EPM2A: variants seen among roughly 807,000 people sequenced by gnomAD.
The protein encoded by EPM2A is laforin.
Under a neutral mutation model 26.5 loss-of-function variants are expected in EPM2A, and 21 were observed. The ratio of observed to expected loss-of-function variants is 0.79; its 90% CI spans 0.56 to 1.14. The LOEUF is 1.14. Ranked by LOEUF, EPM2A falls within the 50% of genes most tolerant of loss-of-function variation. The pLI is 0.00. For missense variants in EPM2A, 458 were observed against 440.8 expected (o/e 1.04, Z -0.35); for synonymous variants, 217 against 177.6 (o/e 1.22, Z -1.76).
chr6:145,561,984 T>C (rs559181495), intron 2 of EPM2A, among the ~76,000 whole-genome samples: 5 of 152,004 alleles, frequency 3.3e-5, no homozygotes, highest in Non-Finnish European at 7.4e-5. Flanking sequence ...GGTTGATAGG[T>C]GCAAACCACC....
intron 3 of EPM2A, chr6:145,628,227 C>T (rs1368128483): frequency 6.3e-6 from 1 of 158,592 alleles, no homozygotes; most frequent in Non-Finnish European, 1.4e-5. Flanking sequence ...TAACATCATT[C>T]GATACAGATG....
chr6:145,732,409 C>CATAT (rs761922660), intron 1 of EPM2A, among the ~76,000 whole-genome samples: 54 of 144,346 alleles, frequency 3.7e-4, no homozygotes, highest in African/African-American at 1.3e-3. Flanking sequence ...AACACACACA[C>CATAT]ACATATATAT....
At chr6:145,728,065 T>C (rs1776300536) in intron 1 of EPM2A, among the ~76,000 whole-genome samples, 1 of 152,218 alleles carries the variant, frequency 6.6e-6, no homozygotes, top group Non-Finnish European at 1.5e-5. Flanking sequence ...GCTTCCCCTC[T>C]GCCTTCTGCC....
In EPM2A at chr6:145,735,450, G is replaced by A. The variant is rs767010700; in HGVS notation, c.49C>T (p.Arg17Trp). 2 of 1,242,104 alleles carry A rather than the reference G, an allele frequency of 1.6e-6. No individual in the cohort carries two copies. The highest frequency in any genetic ancestry group is 3.1e-4 in the Middle Eastern group (1 of 3,206). The allele number at this position is 1,242,104 out of a possible 1,614,324, so 76.9% of individuals were successfully genotyped here. Residue 17 changes from arginine to tryptophan, a missense_variant, in exon 1 of 4, where the codon CGG becomes TGG. Transcript: ENST00000367519. ...GACCCCACCACCAGCAGCTCCGGCC[G>A]GGCGCCGGCCACGGCGGGTGGCACC... ...VVVPPAVAGA[R>W]PELLVVGSRP... is the part of the protein sequence containing the mutation.
chr6:145,405,981 TACACACACACAC>T (rs56700058), intron 4 of EPM2A, among the ~76,000 whole-genome samples: 9 of 146,504 alleles, frequency 6.1e-5, no homozygotes, highest in African/African-American at 5.1e-5. Context: ...TGGAGATACC[TACACACACACAC>T]ACACACACAC....
chr6:145,655,551 T>C (rs1333002411), intron 2 of EPM2A, among the ~76,000 whole-genome samples: 1 of 152,154 alleles, frequency 6.6e-6, no homozygotes, highest in Non-Finnish European at 1.5e-5. Flanking sequence ...TAATATGTTT[T>C]TATATTTACA....
chr6:145,540,475 G>A (rs1338412512), intron 2 of EPM2A, among the ~76,000 whole-genome samples: 2 of 152,010 alleles, frequency 1.3e-5, no homozygotes, highest in African/African-American at 4.8e-5. Flanking sequence ...GGTGTGAATC[G>A]CTAACCCAAT....
chr6:145,538,561 C>T (rs900377893), intron 2 of EPM2A, among the ~76,000 whole-genome samples: 14 of 152,198 alleles, frequency 9.2e-5, no homozygotes, highest in African/African-American at 1.9e-4. Flanking sequence ...TAGGCTTGAT[C>T]GCCTTTCCAG....
intron 1 of EPM2A, among the ~76,000 whole-genome samples, chr6:145,691,494 T>C (rs1245061387): frequency 1.3e-5 from 2 of 152,050 alleles, no homozygotes; most frequent in East Asian, 1.9e-4. Flanking sequence ...AGAAGATGTC[T>C]AAACAAAAAG....
chr6:145,454,616 C>T (rs1023102579), intron 4 of EPM2A, among the ~76,000 whole-genome samples: 10 of 152,164 alleles, frequency 6.6e-5, no homozygotes, highest in African/African-American at 1.7e-4. Flanking sequence ...AAAAAATTTT[C>T]GTATTTCACA....
chr6:145,668,353 T>C (rs1254845508), intron 2 of EPM2A, among the ~76,000 whole-genome samples: 1 of 152,056 alleles, frequency 6.6e-6, no homozygotes, highest in African/African-American at 2.4e-5. Context: ...ACAAGGCAAA[T>C]GACTGAATAA....
intron 2 of EPM2A, among the ~76,000 whole-genome samples, chr6:145,558,512 T>A (rs962603476): frequency 1.3e-5 from 2 of 151,998 alleles, no homozygotes; most frequent in Admixed American, 6.6e-5. Context: ...CATACTGTTT[T>A]ACATAATGTC....
intron 2 of EPM2A, among the ~76,000 whole-genome samples, chr6:145,558,286 GT>G (rs1302642318): frequency 1.3e-5 from 2 of 152,030 alleles, no homozygotes; most frequent in African/African-American, 4.8e-5. Context: ...GGAACTGTGA[GT>G]CCATTAAACT....
intron 4 of EPM2A, among the ~76,000 whole-genome samples, chr6:145,395,840 G>T (rs2039697): frequency 0.37 from 56,875 of 151,814 alleles, 10,872 homozygotes; most frequent in South Asian, 0.45. Context: ...ATTCTGCTGT[G>T]TCCTACTGGG....
At chr6:145,496,499 A>T (rs895167731) in intron 4 of EPM2A, among the ~76,000 whole-genome samples, 1 of 152,016 alleles carries the variant, frequency 6.6e-6, no homozygotes, top group Non-Finnish European at 1.5e-5. Context: ...ATAATCCCAC[A>T]TTTCTCAGAG....
At chr6:145,668,500 G>A (rs1326410353) in intron 2 of EPM2A, among the ~76,000 whole-genome samples, 1 of 152,106 alleles carries the variant, frequency 6.6e-6, no homozygotes, top group Non-Finnish European at 1.5e-5. Context: ...AAATAGGCAC[G>A]ATTTTTTTGG....
intron 2 of EPM2A, among the ~76,000 whole-genome samples, chr6:145,598,314 C>T (rs1379180303): frequency 6.6e-6 from 1 of 152,060 alleles, no homozygotes; most frequent in African/African-American, 2.4e-5. Flanking sequence ...ATACATTTCC[C>T]TAATGATCAG....
At chr6:145,731,438 A>G (rs1241949788) in intron 1 of EPM2A, among the ~76,000 whole-genome samples, 1 of 152,230 alleles carries the variant, frequency 6.6e-6, no homozygotes, top group Non-Finnish European at 1.5e-5. Flanking sequence ...TTGACTACAG[A>G]GCACATGTAT....
intron 2 of EPM2A, among the ~76,000 whole-genome samples, chr6:145,657,726 T>C (rs1778399250): frequency 6.6e-6 from 1 of 152,240 alleles, no homozygotes; most frequent in Non-Finnish European, 1.5e-5. Context: ...ATTAGAACTT[T>C]AGGAACACAC....
Sources: gnomAD v4.1 joint callset for allele counts (sites outside exome capture counted in the v4.1 genomes callset) on GRCh38, gnomAD v4.1.1 for gene constraint, MANE v1.5 for transcripts, NCBI Gene and HGNC (gene_info 2026-07-23, HGNC 2026-07-21) for gene names.